The following SGCZ variants were observed in gnomAD, a reference collection of about 807,000 sequenced individuals.
The protein encoded by SGCZ is sarcoglycan zeta.
SGCZ carries 40 observed loss-of-function variants against 41.3 expected under a neutral mutation model. The observed-to-expected ratio is 0.97, with a 90% CI of 0.75 to 1.26. The LOEUF (loss-of-function observed/expected upper bound fraction) is 1.26. SGCZ is among the 50% of genes most tolerant of loss of function. The pLI, the probability that SGCZ is intolerant of heterozygous loss-of-function variation, is 0.00. For synonymous variants in SGCZ, 206 were observed against 137.5 expected (o/e 1.50, Z -3.49); for missense variants, 552 against 369.8 (o/e 1.49, Z -4.04).
At chr8:14,506,201 A>G (rs1050120079) in intron 2 of SGCZ, among the ~76,000 whole-genome samples, 2 of 151,908 alleles carry the variant, frequency 1.3e-5, no homozygotes. Flanking sequence ...ACAAACAAAC[A>G]GAAACAAAAA....
chr8:14,261,222 G>C (rs968968955), intron 3 of SGCZ, among the ~76,000 whole-genome samples: 1 of 152,082 alleles, frequency 6.6e-6, no homozygotes, highest in African/African-American at 2.4e-5. Flanking sequence ...TGCTAATACA[G>C]AGACATCTGA....
chr8:14,767,812 A>G (rs1800090911), intron 1 of SGCZ, among the ~76,000 whole-genome samples: 1 of 152,098 alleles, frequency 6.6e-6, no homozygotes, highest in Admixed American at 6.5e-5. Flanking sequence ...ACCACTAAAG[A>G]CTTCTTAAGG....
intron 1 of SGCZ, among the ~76,000 whole-genome samples, chr8:15,038,814 C>CA (rs58922339): frequency 0.043 from 3,967 of 92,824 alleles, 222 homozygotes; most frequent in African/African-American, 0.15. Context: ...TGACATTTCT[C>CA]AAAAAAAAAA....
At chr8:14,648,248 G>C (rs1242909719) in intron 1 of SGCZ, among the ~76,000 whole-genome samples, 1 of 152,044 alleles carries the variant, frequency 6.6e-6, no homozygotes, top group Non-Finnish European at 1.5e-5. Context: ...AGTACTATCG[G>C]TAACCAAGGT....
At position 14,144,940 on chromosome 8, in the gene SGCZ, T is replaced by G. The variant is rs570383139; in HGVS notation, c.547+19640A>C. 9.2e-5 allele frequency among the ~76,000 whole-genome samples: 14 copies of G among 152,292 alleles called. No individual in the cohort carries two copies. In the South Asian group the frequency reaches 2.9e-3, roughly 32 times the overall value. On this transcript the variant is annotated intron_variant, in intron 5 of 7. Transcript: ENST00000382080. The stretch of plus-strand genomic sequence containing the variant: ...AGTGGGAAGGATTGCATCTTGTGGT[T>G]TGATTGCCAGCTCAGCCACAGTAAA...
In SGCZ at chr8:15,108,809, G is replaced by A. The variant is rs532912651; in HGVS notation, c.39+128776C>T. ...CGTCTATGCTGTGTGGTGTGTGCTC[G>A]CTAAATAAATACTTAATGGAATATA... On this transcript the variant is annotated intron_variant, in intron 1 of 7. Coordinates refer to ENST00000382080, the MANE Select transcript of SGCZ (RefSeq NM_139167.4). Among the ~76,000 whole-genome samples, 9 of 152,146 alleles carry A rather than the reference G, an allele frequency of 5.9e-5. No individual in the cohort carries two copies. The South Asian group carries it at 8.3e-4, about 14-fold the overall frequency.
At chr8:14,903,635 C>T (rs957368796) in intron 1 of SGCZ, among the ~76,000 whole-genome samples, 2 of 152,040 alleles carry the variant, frequency 1.3e-5, no homozygotes, top group African/African-American at 4.8e-5. Context: ...GAAATAGGAA[C>T]ACTATCCTGG....
At chr8:14,964,945 A>G (rs1439924124) in intron 1 of SGCZ, among the ~76,000 whole-genome samples, 2 of 151,958 alleles carry the variant, frequency 1.3e-5, no homozygotes, top group Non-Finnish European at 2.9e-5. Flanking sequence ...AGGCCACTCA[A>G]CTCGCTTGTG....
intron 3 of SGCZ, among the ~76,000 whole-genome samples, chr8:14,248,814 A>C (rs867534943): frequency 1.7e-4 from 26 of 152,198 alleles, no homozygotes; most frequent in African/African-American, 6.0e-4. Flanking sequence ...TGGAAACATT[A>C]GGGCCACATA....
At chr8:15,155,321 AG>A (rs60435629) in intron 1 of SGCZ, among the ~76,000 whole-genome samples, 3,577 of 152,228 alleles carry the variant, frequency 0.023, 117 homozygotes, top group African/African-American at 0.08. Context: ...TAAGTGTTTC[AG>A]GTAATTAATA....
intron 1 of SGCZ, among the ~76,000 whole-genome samples, chr8:14,760,774 A>G (rs916176366): frequency 1.3e-5 from 2 of 152,160 alleles, no homozygotes; most frequent in Non-Finnish European, 2.9e-5. Context: ...ATTATCTCTA[A>G]TGTTGCAATA....
intron 4 of SGCZ, among the ~76,000 whole-genome samples, chr8:14,194,397 A>G (rs1323539594): frequency 6.6e-6 from 1 of 151,930 alleles, no homozygotes; most frequent in Non-Finnish European, 1.5e-5. Context: ...TATTACTAAT[A>G]CAAGTCTAAT....
At chr8:15,002,190 T>A (rs1024129270) in intron 1 of SGCZ, among the ~76,000 whole-genome samples, 4 of 124,626 alleles carry the variant, frequency 3.2e-5, no homozygotes, top group African/African-American at 5.8e-5. Context: ...GACTTAAGAA[T>A]ATAGTCAGCT....
chr8:14,271,073 G>A (rs1437094606), intron 3 of SGCZ, among the ~76,000 whole-genome samples: 1 of 152,118 alleles, frequency 6.6e-6, no homozygotes, highest in Non-Finnish European at 1.5e-5. Context: ...GGGAGGGATA[G>A]CATTAGGAGA....
At chr8:14,736,742 C>G (rs1484322344) in intron 1 of SGCZ, among the ~76,000 whole-genome samples, 1 of 152,058 alleles carries the variant, frequency 6.6e-6, no homozygotes, top group Non-Finnish European at 1.5e-5. Flanking sequence ...TTTTCCATTC[C>G]TGAGTTACTT....
At chr8:14,345,693 G>A (rs1239757780) in intron 2 of SGCZ, among the ~76,000 whole-genome samples, 1 of 152,040 alleles carries the variant, frequency 6.6e-6, no homozygotes, top group East Asian at 1.9e-4. Flanking sequence ...TGTTTAAAAA[G>A]AGAAAAAGGT....
intron 3 of SGCZ, among the ~76,000 whole-genome samples, chr8:14,296,538 T>C (rs1801017202): frequency 1.3e-5 from 2 of 152,138 alleles, no homozygotes; most frequent in African/African-American, 4.8e-5. Context: ...GTGGGTTTAA[T>C]CAACATAAGA....
In SGCZ at chr8:14,087,185, T is replaced by C. The variant is rs1328743849; in HGVS notation, c.*3258A>G. 1.3e-5 allele frequency among the ~76,000 whole-genome samples: 2 copies of C among 151,578 alleles called. No individual in the cohort carries two copies. Among genetic ancestry groups the C allele is most frequent in the East Asian group, 3.9e-4 (2 of 5,158 alleles). On this transcript the variant is annotated 3_prime_UTR_variant, in exon 8 of 8. Transcript: ENST00000382080. ...AACATATCATTCACAATAAAATATA[T>C]ATATTTTAGACATAAATGTGTGTAT... is the stretch of plus-strand genomic sequence containing the variant.
chr8:14,627,212 C>T (rs1585136148), intron 1 of SGCZ, among the ~76,000 whole-genome samples: 1 of 152,076 alleles, frequency 6.6e-6, no homozygotes, highest in Non-Finnish European at 1.5e-5. Context: ...CTACTTTGAT[C>T]TTGGTTGTAC....
Sources: allele counts gnomAD v4.1 joint callset (sites outside exome capture counted in the v4.1 genomes callset), GRCh38; gene constraint gnomAD v4.1.1; transcripts MANE v1.5; gene names NCBI Gene and HGNC (gene_info 2026-07-23, HGNC 2026-07-21).